Variants in NTRK3 observed in about 807,000 individuals in gnomAD.
The protein encoded by NTRK3 is neurotrophic receptor tyrosine kinase 3, also known as NT-3 growth factor receptor.
Under a neutral mutation model 91.7 loss-of-function variants are expected in NTRK3, and 24 were observed. That is an observed-to-expected ratio of 0.26 (90% CI 0.19 to 0.37). NTRK3 has a LOEUF of 0.37. Ranked by LOEUF, NTRK3 falls within the 10% of genes least tolerant of loss-of-function variation. The probability of loss-of-function intolerance (pLI) is 1.00; values close to 1 mark genes in which losing one functional copy is unlikely to be tolerated. For missense variants in NTRK3, 880 were observed against 1,068.9 expected (o/e 0.82, Z 2.46); for synonymous variants, 483 against 404.0 (o/e 1.20, Z -2.34).
At chr15:88,217,966 T>C (rs1446465127) in intron 3 of NTRK3, among the ~76,000 whole-genome samples, 1 of 152,124 alleles carries the variant, frequency 6.6e-6, no homozygotes, top group Non-Finnish European at 1.5e-5. Flanking sequence ...TTCACCGTTT[T>C]AGCACAATTT....
intron 17 of NTRK3, among the ~76,000 whole-genome samples, chr15:87,913,966 A>C (rs181619949): frequency 2.0e-5 from 3 of 152,272 alleles, no homozygotes; most frequent in Admixed American, 2.0e-4. Flanking sequence ...GATGGTGGAG[A>C]TGTTCATCCC....
intron 14 of NTRK3, among the ~76,000 whole-genome samples, chr15:87,941,880 T>A (rs1054528254): frequency 1.3e-5 from 2 of 152,240 alleles, no homozygotes; most frequent in Non-Finnish European, 2.9e-5. Flanking sequence ...GACCTTTACA[T>A]TAATTGTTCA....
At chr15:87,899,440 G>A (rs977360116) in intron 17 of NTRK3, among the ~76,000 whole-genome samples, 6 of 141,176 alleles carry the variant, frequency 4.3e-5, no homozygotes, top group African/African-American at 8.1e-5. Flanking sequence ...TGAAGCATTC[G>A]AACTCCATCA....
chr15:87,958,940 G>A lies in NTRK3; in HGVS notation c.1586-18187C>T, dbSNP rs574064105. On this transcript the variant is annotated intron_variant, in intron 14 of 18. Transcript: ENST00000394480. The stretch of plus-strand genomic sequence containing the variant: ...CCCAATGCACTCTATCATTGCTTAC[G>A]GAAATTGATTCTGCCTAGCCCTCTG... 8.6e-4 allele frequency among the ~76,000 whole-genome samples: 131 copies of A among 152,198 alleles called. 3 individuals carry two copies. In the South Asian group the frequency reaches 0.018, roughly 21 times the overall value.
At chr15:87,874,676 G>A (rs943661864) in exon 19 of NTRK3, 1 of 232,652 alleles carries the variant, frequency 4.3e-6, no homozygotes, top group African/African-American at 2.2e-5. Flanking sequence ...CTAACCAGAA[G>A]ATACTTTTCC....
chr15:87,929,596 T>G (rs1427112998), intron 16 of NTRK3, among the ~76,000 whole-genome samples, 162 bp from the exon 17 acceptor site: 3 of 152,208 alleles, frequency 2.0e-5, no homozygotes, highest in Admixed American at 6.5e-5. Context: ...AATTAGATTA[T>G]GTACGTGTGG....
intron 13 of NTRK3, among the ~76,000 whole-genome samples, chr15:88,120,326 A>G (rs772154875): frequency 3.3e-5 from 5 of 152,184 alleles, no homozygotes; most frequent in Non-Finnish European, 5.9e-5. Context: ...ATAACCCCCA[A>G]TCATAATCAA....
At chr15:87,862,978 G>C (rs2141375413) in exon 19 of NTRK3, 1 of 230,698 alleles carries the variant, frequency 4.3e-6, no homozygotes, top group South Asian at 1.8e-4. Context: ...CTTGTACATT[G>C]TGAGAAATGT....
chr15:87,908,810 A>T (rs1273141906), intron 17 of NTRK3, among the ~76,000 whole-genome samples: 2 of 151,946 alleles, frequency 1.3e-5, no homozygotes, highest in East Asian at 3.9e-4. Context: ...AACACAAGGC[A>T]CTCGGGGCTC....
chr15:87,934,927 T>A (rs1004861887), intron 15 of NTRK3, among the ~76,000 whole-genome samples: 3 of 152,188 alleles, frequency 2.0e-5, no homozygotes, highest in Non-Finnish European at 4.4e-5. Context: ...TTTTAAAATT[T>A]GGAGGCTTCA....
chr15:88,026,967 C>A (rs2078091682), intron 14 of NTRK3, among the ~76,000 whole-genome samples: 1 of 152,148 alleles, frequency 6.6e-6, no homozygotes, highest in Non-Finnish European at 1.5e-5. Flanking sequence ...ACTTCAGAGG[C>A]CTTCAGCCAA....
chr15:88,122,649 T>A (rs1299878312), intron 13 of NTRK3, among the ~76,000 whole-genome samples: 3 of 152,222 alleles, frequency 2.0e-5, no homozygotes, highest in Non-Finnish European at 2.9e-5. Context: ...TTTCTGTATT[T>A]TTTTTATTTC....
chr15:88,033,863 A>C (rs886189289), intron 13 of NTRK3, among the ~76,000 whole-genome samples: 1 of 152,194 alleles, frequency 6.6e-6, no homozygotes, highest in African/African-American at 2.4e-5. Flanking sequence ...TAGGATTTTA[A>C]AAATGACCTA....
chr15:87,984,975 T>C (rs1178985382), intron 14 of NTRK3, among the ~76,000 whole-genome samples: 1 of 152,174 alleles, frequency 6.6e-6, no homozygotes, highest in African/African-American at 2.4e-5. Flanking sequence ...ACATTATGTT[T>C]ATTGTACTAG....
At chr15:88,181,278 C>T (rs998857228) in intron 5 of NTRK3, among the ~76,000 whole-genome samples, 5 of 152,124 alleles carry the variant, frequency 3.3e-5, no homozygotes, top group African/African-American at 1.2e-4. Flanking sequence ...CCCACAAAGC[C>T]TTGGGAATCT....
At chr15:88,131,188 T>C (rs1009144447) in intron 10 of NTRK3, among the ~76,000 whole-genome samples, 1 of 152,232 alleles carries the variant, frequency 6.6e-6, no homozygotes, top group Non-Finnish European at 1.5e-5. Flanking sequence ...CCCTTTGGAA[T>C]GCACTATATC....
chr15:88,194,518 C>G (rs878933411), intron 3 of NTRK3, among the ~76,000 whole-genome samples: 1 of 152,228 alleles, frequency 6.6e-6, no homozygotes, highest in Non-Finnish European at 1.5e-5. Context: ...TGATTCTACC[C>G]TTCAACTCTA....
intron 5 of NTRK3, among the ~76,000 whole-genome samples, chr15:88,163,889 C>A (rs1239232350): frequency 2.0e-5 from 3 of 152,174 alleles, no homozygotes; most frequent in Admixed American, 6.5e-5. Context: ...TGAGATCCTA[C>A]TATATGCCGT....
chr15:87,968,553 C>T (rs1043749886), intron 14 of NTRK3, among the ~76,000 whole-genome samples: 8 of 152,010 alleles, frequency 5.3e-5, no homozygotes, highest in Non-Finnish European at 1.0e-4. Context: ...AGGAAAGAAA[C>T]GAAAGTATTG....
Sources: allele counts gnomAD v4.1 joint callset (sites outside exome capture counted in the v4.1 genomes callset), GRCh38; gene constraint gnomAD v4.1.1; transcripts MANE v1.5; gene names NCBI Gene and HGNC (gene_info 2026-07-23, HGNC 2026-07-21).